Variants in NID2 observed in about 807,000 individuals in gnomAD.
The protein encoded by NID2 is nidogen 2, also known as nidogen-2.
Under a neutral mutation model 145.4 loss-of-function variants are expected in NID2, and 83 were observed. That is an observed-to-expected ratio of 0.57 (90% confidence interval 0.48 to 0.69). The LOEUF (loss-of-function observed/expected upper bound fraction) is 0.69, where lower values mean the gene tolerates loss of function less well. Among genes scored for constraint, NID2 ranks in the 30% least tolerant of loss-of-function variants. The pLI is 0.00. For synonymous variants in NID2, 739 were observed against 701.3 expected, an observed-to-expected ratio of 1.05 and a Z score of -0.85; for missense variants, 1,807 against 1,765.7, an observed-to-expected ratio of 1.02 and a Z score of -0.42.
intron 5 of NID2, among the ~76,000 whole-genome samples, chr14:52,043,403 G>A (rs965422465): frequency 2.0e-5 from 3 of 152,286 alleles, no homozygotes; most frequent in African/African-American, 4.8e-5. Context: ...ATAATAGCTG[G>A]TCTCGCTACC....
At chr14:52,046,213 C>T (rs1043527732) in intron 5 of NID2, among the ~76,000 whole-genome samples, 1 of 151,146 alleles carries the variant, frequency 6.6e-6, no homozygotes, top group Non-Finnish European at 1.5e-5. Context: ...GTCCCAGCTA[C>T]TCGGGAGGCT....
intron 14 of NID2, among the ~76,000 whole-genome samples, chr14:52,017,291 C>A (rs559102075): frequency 3.3e-4 from 51 of 152,270 alleles, no homozygotes; most frequent in African/African-American, 1.1e-3. Context: ...ACTTTTCAAC[C>A]CAACCATGAA....
At chr14:52,012,202 TCTA>T (rs1406787739) in intron 16 of NID2, among the ~76,000 whole-genome samples, 1 of 152,202 alleles carries the variant, frequency 6.6e-6, no homozygotes, top group Non-Finnish European at 1.5e-5. Flanking sequence ...GCCAACAAAA[TCTA>T]CTCTCCCCTC....
chr14:52,007,486 A>G, intron 19 of NID2: 1 of 303,614 alleles, frequency 3.3e-6, no homozygotes, highest in South Asian at 3.6e-5. Flanking sequence ...AGTTATAGTG[A>G]CCCTCTCCCC....
rs375068265 is a variant in NID2, at chr14:52,042,091, G to A, written c.1825+14C>T. 6 of 1,569,078 alleles carry A rather than the reference G, an allele frequency of 3.8e-6. No homozygotes were observed. Among genetic ancestry groups the A allele is most frequent in the Non-Finnish European group, 5.2e-6 (6 of 1,155,688 alleles). ...GCAATGCTGACTACCGGCCTTCTCA[G>A]AGGCCCTACTCACCTGCGAGGCTGA... On this transcript the variant is annotated intron_variant, in intron 7 of 21. Transcript: ENST00000216286.
At chr14:52,032,332 A>C (rs1891897694) in intron 9 of NID2, among the ~76,000 whole-genome samples, 1 of 152,208 alleles carries the variant, frequency 6.6e-6, no homozygotes, top group African/African-American at 2.4e-5. Flanking sequence ...ACCAATAAAT[A>C]ATTCCAGCAC....
intron 18 of NID2, chr14:52,008,804 GTTCT>G (rs1890893877): frequency 6.6e-6 from 1 of 152,188 alleles, no homozygotes; most frequent in Non-Finnish European, 1.5e-5. Context: ...GAAGGAAACT[GTTCT>G]TTCTTCTGCC....
In NID2 at chr14:52,019,274, G is replaced by A. The variant is rs758770416; in HGVS notation, c.2815C>T (p.Pro939Ser). Reference sequence around the variant, plus strand: ...GCATGGCGCTGCTGTTGTTCACAGGGTGTCAGGCTTGAGGTGGAGTCTTCC... The same window carrying A: ...GCATGGCGCTGCTGTTGTTCACAGGATGTCAGGCTTGAGGTGGAGTCTTCC... ...CIPDSTSSLTPCEQQQRHAQA... is the reference protein window; with the variant it reads ...CIPDSTSSLTSCEQQQRHAQA... The change falls in exon 14 of 22, where the codon CCC (proline) becomes TCC (serine). Residue 939 changes from proline to serine, a missense_variant. Transcript: ENST00000216286. 2 of 1,593,648 alleles carry A rather than the reference G, an allele frequency of 1.3e-6. No homozygotes were observed. Among genetic ancestry groups the A allele is most frequent in the South Asian group, 1.1e-5 (1 of 90,234 alleles).
chr14:52,028,808 T>C lies in NID2; in HGVS notation c.2444A>G (p.Asn815Ser). The change falls in exon 11 of 22, where the codon AAC becomes AGC. Residue 815 changes from asparagine to serine, a missense_variant. Coordinates refer to ENST00000216286, the MANE Select transcript of NID2 (RefSeq NM_007361.4). ...TCCAGGCAAGTTGATACATACAGAG[T>C]TGGGGCCACAGCGATGAAAGCCAGT... ...CATGFHRCGPNSVCINLPGSY... is the reference protein window; with the variant it reads ...CATGFHRCGPSSVCINLPGSY... 2 of 1,614,008 alleles carry C rather than the reference T, an allele frequency of 1.2e-6. No individual in the cohort carries two copies. The highest frequency in any genetic ancestry group is 1.7e-6 in the Non-Finnish European group (2 of 1,179,984).
At chr14:52,066,960 T>A (rs1566778973) in intron 2 of NID2, among the ~76,000 whole-genome samples, 1 of 152,180 alleles carries the variant, frequency 6.6e-6, no homozygotes, top group African/African-American at 2.4e-5. Context: ...AGGTAGAGAC[T>A]GTAAAGCACA....
rs1893328462 is a variant in NID2, at chr14:52,068,988, C to T, written c.7G>A (p.Gly3Arg). ME[G>R]DRVAGRPVLS... ...ACCGGCCGCCCGGCCACCCGGTCCC[C>T]CTCCATGCTCGCTCGGCCGTGCGCT... The change falls in exon 1 of 22, where the codon GGG (glycine) becomes AGG (arginine). Residue 3 changes from glycine to arginine, a missense_variant. Gly to Arg is a moderately radical substitution (Grantham distance 125). Transcript: ENST00000216286. 1 of 1,609,552 alleles carries T rather than the reference C, an allele frequency of 6.2e-7. No homozygotes were observed. Among genetic ancestry groups the T allele is most frequent in the African/African-American group, 1.3e-5 (1 of 74,860 alleles).
At position 52,005,987 on chromosome 14, in the gene NID2, C is replaced by G. The variant is rs1890763969; in HGVS notation, c.4005-138G>C. On this transcript the variant is annotated intron_variant, in intron 20 of 21. Coordinates refer to ENST00000216286, the MANE Select transcript of NID2 (RefSeq NM_007361.4). ...TCCCAGGGCTGGTGCTAAAGCCATA[C>G]TGAAGTTTGAAGACCATTGCTCTAA... The G allele has an allele frequency of 7.7e-6, 5 of 649,944 alleles. No homozygotes were observed. The Admixed American group carries it at 1.1e-4, about 15-fold the overall frequency. The allele number at this position is 649,944 out of a possible 1,614,324, so 40.3% of individuals were successfully genotyped here.
rs1891029321 is a variant in NID2, at chr14:52,011,609, T to C, written c.3495A>G (p.Thr1165=). Residue 1165 remains threonine, a synonymous_variant, in exon 17 of 22, where the codon ACA becomes ACG. Transcript: ENST00000216286. Reference sequence around the variant, plus strand: ...CCAGTTCCAGACCAGCACGGCTGATTGTCCGTCCAGCAACATCTGTCCAGT... The same window carrying C: ...CCAGTTCCAGACCAGCACGGCTGATCGTCCGTCCAGCAACATCTGTCCAGT... The part of the protein sequence containing the change: ...MVYWTDVAGR[T]ISRAGLELGA... The C allele has an allele frequency of 1.2e-6, 2 of 1,614,220 alleles. No homozygotes were observed. Among genetic ancestry groups the C allele is most frequent in the East Asian group, 4.5e-5 (2 of 44,894 alleles).
At chr14:52,045,827 G>A (rs1398187717) in intron 5 of NID2, among the ~76,000 whole-genome samples, 1 of 152,130 alleles carries the variant, frequency 6.6e-6, no homozygotes, top group Admixed American at 6.5e-5. Flanking sequence ...AGGAATGAGG[G>A]GCTGCAGAAA....
chr14:52,039,608 C>T (rs1468284465), intron 8 of NID2, among the ~76,000 whole-genome samples: 1 of 152,196 alleles, frequency 6.6e-6, no homozygotes, highest in Non-Finnish European at 1.5e-5. Context: ...CCCTACATCT[C>T]CTGCCAGGCT....
intron 5 of NID2, among the ~76,000 whole-genome samples, chr14:52,044,266 CT>C (rs55972168): frequency 1.9e-4 from 22 of 113,946 alleles, no homozygotes; most frequent in Admixed American, 5.3e-4. Context: ...ATTTAACAAC[CT>C]TTTTTTTTTT....
intron 9 of NID2, among the ~76,000 whole-genome samples, chr14:52,035,746 T>C (rs1892037969): frequency 6.6e-6 from 1 of 151,744 alleles, no homozygotes; most frequent in Non-Finnish European, 1.5e-5. Flanking sequence ...TGGCACAATC[T>C]TGGCTCACTG....
At chr14:52,049,190 TG>T (rs72069338) in intron 5 of NID2, among the ~76,000 whole-genome samples, 6,918 of 109,424 alleles carry the variant, frequency 0.063, 192 homozygotes, top group Middle Eastern at 0.11. Flanking sequence ...TTCTATTTAA[TG>T]TTTTTTTTGT....
chr14:52,005,512 A>AG lies in NID2; in HGVS notation c.4118-17dup, dbSNP rs1566736729. ...TACTTTCTTCCTGTGAGAGAAGAGC[A>AG]GGGGTGGGACAGGGTGGTGGGTGAG... On this transcript the variant is annotated splice_polypyrimidine_tract_variant and intron_variant, in intron 21 of 21. Coordinates refer to ENST00000216286, the MANE Select transcript of NID2 (RefSeq NM_007361.4). 6.3e-7 allele frequency: 1 copy of AG among 1,596,884 alleles called. No homozygotes were observed. Among genetic ancestry groups the AG allele is most frequent in the South Asian group, 1.1e-5 (1 of 87,788 alleles).
Sources: allele counts gnomAD v4.1 joint callset (sites outside exome capture counted in the v4.1 genomes callset), GRCh38; gene constraint gnomAD v4.1.1; transcripts MANE v1.5; gene names NCBI Gene and HGNC (gene_info 2026-07-23, HGNC 2026-07-21).